The following TRIM2 variants were observed in gnomAD, a reference collection of about 807,000 sequenced individuals.
TRIM2 encodes tripartite motif containing 2.
A neutral mutation model predicts 75.2 loss-of-function variants in TRIM2; 20 were observed. That is an observed-to-expected ratio of 0.27 (90% CI 0.19 to 0.39). The LOEUF (loss-of-function observed/expected upper bound fraction) is 0.39, where lower values mean the gene tolerates loss of function less well. TRIM2 is among the 10% of genes least tolerant of loss of function. The probability of loss-of-function intolerance (pLI) is 1.00; values close to 1 mark genes in which losing one functional copy is unlikely to be tolerated. For synonymous variants in TRIM2, 373 were observed against 388.3 expected (o/e 0.96, Z 0.46); for missense variants, 660 against 990.8 (o/e 0.67, Z 4.48).
At chr4:153,225,297 G>A (rs963910103) in intron 1 of TRIM2, among the ~76,000 whole-genome samples, 1 of 152,140 alleles carries the variant, frequency 6.6e-6, no homozygotes, top group Non-Finnish European at 1.5e-5. Context: ...GTTTATGCTG[G>A]CGGGTCAGCA....
intron 1 of TRIM2, among the ~76,000 whole-genome samples, chr4:153,218,858 C>G (rs1334379203): frequency 6.6e-6 from 1 of 152,162 alleles, no homozygotes; most frequent in Non-Finnish European, 1.5e-5. Context: ...CTCCAGGAAG[C>G]CTTTTCTACT....
chr4:153,298,491 AC>A (rs1361718404), intron 6 of TRIM2, among the ~76,000 whole-genome samples: 1 of 152,126 alleles, frequency 6.6e-6, no homozygotes, highest in Non-Finnish European at 1.5e-5. Flanking sequence ...TCTTATAAGA[AC>A]ACCAATCATA....
Position 153,212,463 on chromosome 4 carries a change from C to T in TRIM2, c.30+7903C>T, listed in dbSNP as rs1053183767. ...ATGTACATTACTCAGATGATGAGTACACTAAAAGCCCAGACTTCACCATTA... is the reference window on the plus strand; with the variant it reads ...ATGTACATTACTCAGATGATGAGTATACTAAAAGCCCAGACTTCACCATTA... On this transcript the variant is annotated intron_variant, in intron 1 of 11. Transcript: ENST00000338700. 2.0e-5 allele frequency among the ~76,000 whole-genome samples: 3 copies of T among 152,068 alleles called. No individual in the cohort carries two copies. The East Asian group carries it at 5.8e-4, about 29-fold the overall frequency.
chr4:153,278,829 A>G (rs979734125), intron 3 of TRIM2, among the ~76,000 whole-genome samples: 3 of 152,116 alleles, frequency 2.0e-5, no homozygotes, highest in African/African-American at 7.2e-5. Context: ...GAAAAAAAAA[A>G]TAAATGTTAC....
chr4:153,290,134 T>C (rs947056940), intron 3 of TRIM2, among the ~76,000 whole-genome samples: 9 of 152,344 alleles, frequency 5.9e-5, no homozygotes, highest in African/African-American at 2.2e-4. Flanking sequence ...TGATAGGAAT[T>C]ATGTTTCACA....
chr4:153,251,297 C>T (rs1446525732), intron 1 of TRIM2, among the ~76,000 whole-genome samples: 1 of 152,186 alleles, frequency 6.6e-6, no homozygotes, highest in Middle Eastern at 3.2e-3. Flanking sequence ...AACCAAACCA[C>T]TCAATCAAAC....
At position 153,182,800 on chromosome 4, in the gene TRIM2, A is replaced by G. The variant is rs984853988; in HGVS notation, c.-49+29530A>G. 2.6e-5 allele frequency among the ~76,000 whole-genome samples: 4 copies of G among 152,232 alleles called. No homozygotes were observed. In the South Asian group the frequency reaches 8.3e-4, roughly 32 times the overall value. On this transcript the variant is annotated intron_variant, in intron 1 of 11. Transcript: ENST00000437508. ...TCCCCTTTTTGTTCCTTAGTCTCTA[A>G]AAGTGCTTCCCTACCTGGGGGCTAT...
At chr4:153,308,277 G>C in intron 6 of TRIM2, 2 of 1,548,270 alleles carry the variant, frequency 1.3e-6, no homozygotes, top group Non-Finnish European at 1.8e-6. Flanking sequence ...GTCACCAGAT[G>C]TGTCCGAAAT....
At chr4:153,261,108 A>T (rs188160034) in intron 1 of TRIM2, among the ~76,000 whole-genome samples, 1 of 152,210 alleles carries the variant, frequency 6.6e-6, no homozygotes, top group Non-Finnish European at 1.5e-5. Context: ...AGATGTTTGC[A>T]TGTCTGCATG....
At position 153,295,291 on chromosome 4, in the gene TRIM2, C is replaced by T. The variant is rs369935241; in HGVS notation, c.787-22C>T. 8.4e-6 allele frequency: 13 copies of T among 1,555,870 alleles called. No individual in the cohort carries two copies. Among genetic ancestry groups the T allele is most frequent in the Non-Finnish European group, 1.1e-5 (13 of 1,151,652 alleles). ...GCCCCGCCCTGTGGGACGAGCTCACCAGGCCTCCGGTTTTCCCGCAGGTCC... is the reference window on the plus strand; with the variant it reads ...GCCCCGCCCTGTGGGACGAGCTCACTAGGCCTCCGGTTTTCCCGCAGGTCC... On this transcript the variant is annotated intron_variant, in intron 5 of 11. Coordinates refer to ENST00000338700, the MANE Select transcript of TRIM2 (RefSeq NM_015271.5). The surrounding 1 kb of genome is among the most constrained non-coding windows in gnomAD (Gnocchi z 7.2).
chr4:153,210,325 A>G (rs968095922), intron 1 of TRIM2, among the ~76,000 whole-genome samples: 1 of 152,138 alleles, frequency 6.6e-6, no homozygotes, highest in Non-Finnish European at 1.5e-5. Flanking sequence ...TTGACCTCCC[A>G]AAGTAATGGG....
Position 153,295,760 on chromosome 4 carries a change from A to G in TRIM2, c.1234A>G (p.Lys412Glu), listed in dbSNP as rs1452627816. ...GGCAGACGGGGAGATCCTGGACAAC[A>G]AGAACGGCACCTATGAGTTTTTGTA... ...SVADGEILDNKNGTYEFLYTV... is the reference protein window; with the variant it reads ...SVADGEILDNENGTYEFLYTV... Residue 412 changes from lysine (K) to glutamate (E), a missense_variant, in exon 6 of 12, where the codon AAG becomes GAG. Physicochemically the swap from Lys to Glu is moderately conservative, Grantham distance 56 (BLOSUM62 1). Coordinates refer to ENST00000338700, the MANE Select transcript of TRIM2 (RefSeq NM_015271.5). The surrounding 1 kb of genome is among the most constrained non-coding windows in gnomAD (Gnocchi z 7.2). 6.2e-7 allele frequency: 1 copy of G among 1,613,922 alleles called. No homozygotes were observed. The highest frequency in any genetic ancestry group is 1.3e-5 in the African/African-American group (1 of 74,858).
At chr4:153,161,680 T>C (rs1204572017) in intron 1 of TRIM2, among the ~76,000 whole-genome samples, 1 of 152,206 alleles carries the variant, frequency 6.6e-6, no homozygotes, top group African/African-American at 2.4e-5. Flanking sequence ...GTTTTCTTTG[T>C]ATCCTTTGGT....
At position 153,233,042 on chromosome 4, in the gene TRIM2, C is replaced by T. The variant is rs564779330; in HGVS notation, c.30+28482C>T. Reference sequence around the variant, plus strand: ...AAGTCAAATGCATTCCAGCAGTCATCTAATCACAAGAGTGGGTGCGGCCTC... The same window carrying T: ...AAGTCAAATGCATTCCAGCAGTCATTTAATCACAAGAGTGGGTGCGGCCTC... On this transcript the variant is annotated intron_variant, in intron 1 of 11. Coordinates refer to ENST00000338700, the MANE Select transcript of TRIM2 (RefSeq NM_015271.5). Among the ~76,000 whole-genome samples the T allele has an allele frequency of 2.2e-4, 34 of 152,312 alleles. 1 individual carries two copies. In the South Asian group the frequency reaches 7.0e-3, roughly 32 times the overall value.
intron 1 of TRIM2, among the ~76,000 whole-genome samples, chr4:153,210,713 A>T (rs1417324817): frequency 6.6e-6 from 1 of 152,162 alleles, no homozygotes; most frequent in Non-Finnish European, 1.5e-5. Flanking sequence ...GGCCCCTTTA[A>T]ATACACTTCA....
chr4:153,266,262 C>A (rs529561214), intron 1 of TRIM2, among the ~76,000 whole-genome samples: 1 of 151,964 alleles, frequency 6.6e-6, no homozygotes, highest in Non-Finnish European at 1.5e-5. Context: ...CTTGACCTCC[C>A]GAGCTCAAGC....
At chr4:153,244,096 A>G (rs151104241) in intron 1 of TRIM2, among the ~76,000 whole-genome samples, 1 of 151,312 alleles carries the variant, frequency 6.6e-6, no homozygotes, top group African/African-American at 2.4e-5. Flanking sequence ...CTGGGATTAC[A>G]CACATGAGCT....
intron 1 of TRIM2, among the ~76,000 whole-genome samples, chr4:153,256,907 C>CTGTTTGTTTGTT (rs139703340): frequency 0.1 from 15,145 of 151,790 alleles, 829 homozygotes; most frequent in Middle Eastern, 0.14. Flanking sequence ...TGGAACTGGA[C>CTGTTTGTTTGTT]TGTTTGTTTG....
At chr4:153,292,154 G>A (rs1251455023) in intron 3 of TRIM2, among the ~76,000 whole-genome samples, 2 of 152,028 alleles carry the variant, frequency 1.3e-5, no homozygotes, top group Non-Finnish European at 2.9e-5. Context: ...TTTCACTCTC[G>A]TTCTCTCAAG....
Sources: gnomAD v4.1 joint callset for allele counts (sites outside exome capture counted in the v4.1 genomes callset) on GRCh38, gnomAD v4.1.1 for gene constraint, Gnocchi (gnomAD v3.1) non-coding constraint, MANE v1.5 for transcripts, NCBI Gene and HGNC (gene_info 2026-07-23, HGNC 2026-07-21) for gene names.